Variants in CHRM4 observed in about 807,000 individuals in gnomAD.
CHRM4 encodes muscarinic acetylcholine receptor M4.
In CHRM4, 5 loss-of-function variants were observed where a neutral mutation model predicts 26.3. The ratio of observed to expected loss-of-function variants is 0.19; its 90% CI spans 0.10 to 0.40. CHRM4 has a LOEUF of 0.40. Ranked by LOEUF, CHRM4 falls within the 10% of genes least tolerant of loss-of-function variation. CHRM4 has a pLI of 1.00. For missense variants in CHRM4, 402 were observed against 664.5 expected (o/e 0.60, Z 4.34); for synonymous variants, 290 against 285.3 (o/e 1.02, Z -0.16).
In CHRM4 at chr11:46,386,252, G is replaced by A. The variant is rs376218212; in HGVS notation, c.306C>T (p.Ala102=). The A allele has an allele frequency of 7.4e-6, 12 of 1,613,862 alleles. No homozygotes were observed. Among genetic ancestry groups the A allele is most frequent in the Middle Eastern group, 1.6e-4 (1 of 6,062 alleles). The part of the protein sequence containing the change: ...YIIKGYWPLG[A]VVCDLWLALD... Reference sequence around the variant, plus strand: ...GGGCCAGCCACAGGTCGCAGACCACGGCGCCCAGGGGCCAGTAGCCCTTGA... The same window carrying A: ...GGGCCAGCCACAGGTCGCAGACCACAGCGCCCAGGGGCCAGTAGCCCTTGA... The change falls in exon 2 of 2, where the codon GCC becomes GCT. Residue 102 remains alanine, a synonymous_variant. Coordinates refer to ENST00000682254, the MANE Select transcript of CHRM4 (RefSeq NM_000741.5). This position sits in a 1 kb window ranked among gnomAD's most constrained non-coding sequence, Gnocchi z 5.8.
intron 1 of CHRM4, among the ~76,000 whole-genome samples, chr11:46,390,531 T>G (rs1362894493): frequency 6.6e-6 from 1 of 152,144 alleles, no homozygotes; most frequent in Non-Finnish European, 1.5e-5. Context: ...GTCAGGCGAG[T>G]GCAAGACTCT....
Position 46,386,067 on chromosome 11 carries a change from C to T in CHRM4, c.491G>A (p.Trp164Ter). Residue 164 changes from tryptophan (W) to a stop codon, truncating the protein, a stop_gained, in exon 2 of 2, where the codon TGG becomes TAG. Coordinates refer to ENST00000682254, the MANE Select transcript of CHRM4 (RefSeq NM_000741.5). LOFTEE classifies it high-confidence loss of function. The surrounding 1 kb of genome is among the most constrained non-coding windows in gnomAD (Gnocchi z 5.8). ...CTGCCAGAACAAGATGGCAGGCGCC[C>T]AGAGCACGAAGGACAGTACCCAGGC... The part of the protein sequence containing the change: ...AAAWVLSFVL[W>*]APAILFWQFV... 6.2e-7 allele frequency: 1 copy of T among 1,613,220 alleles called. No homozygotes were observed. Among genetic ancestry groups the T allele is most frequent in the East Asian group, 2.2e-5 (1 of 44,846 alleles).
Position 46,384,791 on chromosome 11 carries a change from C to A in CHRM4, c.*327G>T, listed in dbSNP as rs1290132298. Among the ~76,000 whole-genome samples, 2 of 152,252 alleles carry A rather than the reference C, an allele frequency of 1.3e-5. No individual in the cohort carries two copies. The highest frequency in any genetic ancestry group is 2.9e-5 in the Non-Finnish European group (2 of 68,038). ...CCTGAGGGGGCCCTGGGCTTCGGCCCCCATCCAGATGTCCATTCTTCCAGC... is the reference window on the plus strand; with the variant it reads ...CCTGAGGGGGCCCTGGGCTTCGGCCACCATCCAGATGTCCATTCTTCCAGC... On this transcript the variant is annotated 3_prime_UTR_variant, in exon 2 of 2. Transcript: ENST00000682254.
Position 46,390,381 on chromosome 11 carries a change from C to G in CHRM4, c.-30+1150G>C, listed in dbSNP as rs539945283. On this transcript the variant is annotated intron_variant, in intron 1 of 1. Coordinates refer to ENST00000682254, the MANE Select transcript of CHRM4 (RefSeq NM_000741.5). ...GTCGAGGGGCCTCTGCGAGAGTCGCCCAACCTGGCCTTGAGGGACACCAGG... is the reference window on the plus strand; with the variant it reads ...GTCGAGGGGCCTCTGCGAGAGTCGCGCAACCTGGCCTTGAGGGACACCAGG... Among the ~76,000 whole-genome samples the G allele has an allele frequency of 4.5e-4, 68 of 152,350 alleles. 1 individual carries two copies. Among genetic ancestry groups the G allele is most frequent in the African/African-American group, 1.5e-3 (63 of 41,572 alleles).
rs1329195560 is a variant in CHRM4, at chr11:46,384,290, C to A, written c.*828G>T. On this transcript the variant is annotated 3_prime_UTR_variant, in exon 2 of 2. Coordinates refer to ENST00000682254, the MANE Select transcript of CHRM4 (RefSeq NM_000741.5). ...TTTCCTCTTGCCTGTGTGACCCAGG[C>A]CTCCACCCTGCAGAAGCCAGGGGGT... Among the ~76,000 whole-genome samples, 3 of 152,238 alleles carry A rather than the reference C, an allele frequency of 2.0e-5. No individual in the cohort carries two copies. The highest frequency in any genetic ancestry group is 4.4e-5 in the Non-Finnish European group (3 of 68,040).
intron 1 of CHRM4, among the ~76,000 whole-genome samples, chr11:46,390,816 G>A (rs1310138864): frequency 6.6e-6 from 1 of 152,254 alleles, no homozygotes. Flanking sequence ...CCTCTTCCCC[G>A]GGCGAGACCG....
rs563485634 is a variant in CHRM4 at position 46,383,918 on chromosome 11, A to C, written c.*1200T>G. ...CAGGCTGTAGGGACTGGTGGGTTTC[A>C]GGGGGCTTGGTGGTGGGTGCTCTCC... On this transcript the variant is annotated 3_prime_UTR_variant, in exon 2 of 2. Coordinates refer to ENST00000682254, the MANE Select transcript of CHRM4 (RefSeq NM_000741.5). 6.2e-6 allele frequency: 2 copies of C among 323,346 alleles called. No homozygotes were observed. Among genetic ancestry groups the C allele is most frequent in the East Asian group, 1.7e-4 (2 of 11,642 alleles). The allele number at this position is 323,346 out of a possible 1,614,324, so 20.0% of individuals were successfully genotyped here.
Position 46,386,607 on chromosome 11 carries a change from A to G in CHRM4, c.-29-21T>C, listed in dbSNP as rs1404362121. On this transcript the variant is annotated intron_variant, in intron 1 of 1. Coordinates refer to ENST00000682254, the MANE Select transcript of CHRM4 (RefSeq NM_000741.5). This position sits in a 1 kb window ranked among gnomAD's most constrained non-coding sequence, Gnocchi z 5.8. The stretch of plus-strand genomic sequence containing the variant: ...CGTGTCTGGGGAGGAAGGGGAGAGA[A>G]AAGCATGAACTACAGGAGGGAATGG... 6.3e-7 allele frequency: 1 copy of G among 1,587,052 alleles called. No individual in the cohort carries two copies.
In CHRM4 at chr11:46,384,579, C is replaced by T. The variant is rs918995023; in HGVS notation, c.*539G>A. Reference sequence around the variant, plus strand: ...GGACCTGGCCTCCATCATACCCACCCAGAACCTGGCTAAGTAGCTGCAGCC... The same window carrying T: ...GGACCTGGCCTCCATCATACCCACCTAGAACCTGGCTAAGTAGCTGCAGCC... On this transcript the variant is annotated 3_prime_UTR_variant, in exon 2 of 2. Transcript: ENST00000682254. Among the ~76,000 whole-genome samples, 1 of 152,196 alleles carries T rather than the reference C, an allele frequency of 6.6e-6. No individual in the cohort carries two copies. The highest frequency in any genetic ancestry group is 6.5e-5 in the Admixed American group (1 of 15,282).
At position 46,384,619 on chromosome 11, in the gene CHRM4, C is replaced by T. The variant is rs898746209; in HGVS notation, c.*499G>A. On this transcript the variant is annotated 3_prime_UTR_variant, in exon 2 of 2. Transcript: ENST00000682254. ...TAGCTGCAGCCAGAGGAGATTTCTG[C>T]CCCTGGAGTGGGATTTGGGGAGAGG... 1.3e-5 allele frequency among the ~76,000 whole-genome samples: 2 copies of T among 152,216 alleles called. No homozygotes were observed. The highest frequency in any genetic ancestry group is 6.5e-5 in the Admixed American group (1 of 15,286).
At chr11:46,389,591 G>C (rs1003540526) in intron 1 of CHRM4, among the ~76,000 whole-genome samples, 3 of 152,220 alleles carry the variant, frequency 2.0e-5, no homozygotes, top group Non-Finnish European at 4.4e-5. Flanking sequence ...GGTCCCTGGT[G>C]CCCGCTCCGG....
At chr11:46,387,409 C>T (rs1047441863) in intron 1 of CHRM4, among the ~76,000 whole-genome samples, 8 of 152,190 alleles carry the variant, frequency 5.3e-5, no homozygotes, top group South Asian at 2.1e-4. Context: ...GGACTCCAGG[C>T]GCCATCATGC....
At chr11:46,388,080 G>T (rs529764850) in intron 1 of CHRM4, among the ~76,000 whole-genome samples, 3 of 152,202 alleles carry the variant, frequency 2.0e-5, no homozygotes, top group South Asian at 2.1e-4. Flanking sequence ...GGAGGCCCAC[G>T]CCAGCTCTGA....
chr11:46,387,729 G>T (rs1945355352), intron 1 of CHRM4, among the ~76,000 whole-genome samples: 1 of 152,200 alleles, frequency 6.6e-6, no homozygotes, highest in African/African-American at 2.4e-5. Flanking sequence ...GAGGAGGAGA[G>T]TCCCTGCAGA....
At chr11:46,388,155 C>T (rs1298512565) in intron 1 of CHRM4, among the ~76,000 whole-genome samples, 11 of 152,234 alleles carry the variant, frequency 7.2e-5, no homozygotes, top group Admixed American at 2.0e-4. Flanking sequence ...GCTCCACAGA[C>T]GCACGCGGGC....
At position 46,383,813 on chromosome 11, in the gene CHRM4, CTTT is replaced by C; in HGVS notation, c.*1302_*1304del. 4 of 431,748 alleles carry C rather than the reference CTTT, an allele frequency of 9.3e-6. No homozygotes were observed. Among genetic ancestry groups the C allele is most frequent in the South Asian group, 8.3e-5 (4 of 48,394 alleles). 26.7% of individuals were successfully genotyped at this position (431,748 alleles called of 1,614,324 possible). A position where few individuals can be genotyped will look rare whatever the true frequency, so the allele number is the denominator to read the frequency against. On this transcript the variant is annotated 3_prime_UTR_variant, in exon 2 of 2. Transcript: ENST00000682254. ...CTTTTTCCCCCCAATAAAAGCTCTT[CTTT>C]TTTAATATATAAAAGCCCCTTCCCA...
chr11:46,385,814 TG>T lies in CHRM4; in HGVS notation c.743del (p.Pro248HisfsTer2). On this transcript the variant is annotated frameshift_variant, in exon 2 of 2. Coordinates refer to ENST00000682254, the MANE Select transcript of CHRM4 (RefSeq NM_000741.5). LOFTEE classifies it high-confidence loss of function. This position sits in a 1 kb window ranked among gnomAD's most constrained non-coding sequence, Gnocchi z 6.3. ...GCTTCTTGACGCTCTGCTTCATTAG[TG>T]GGCTCTTGAGGAAGGCCAGCGTCTT... is the stretch of plus-strand genomic sequence containing the variant. Reference protein sequence around the residue: ...KAKTLAFLKSPLMKQSVKKPP... With the variant: ...KAKTLAFLKSXLMKQSVKKPP... The T allele has an allele frequency of 6.3e-7, 1 of 1,598,660 alleles. No individual in the cohort carries two copies. The highest frequency in any genetic ancestry group is 8.5e-7 in the Non-Finnish European group (1 of 1,172,346).
rs2136547668 is a variant in CHRM4 at position 46,384,983 on chromosome 11, G to A, written c.*135C>T. 2 of 1,313,100 alleles carry A rather than the reference G, an allele frequency of 1.5e-6. No individual in the cohort carries two copies. Among genetic ancestry groups the A allele is most frequent in the Non-Finnish European group, 2.0e-6 (2 of 979,740 alleles). The allele number at this position is 1,313,100 out of a possible 1,614,324, so 81.3% of individuals were successfully genotyped here. A position where few individuals can be genotyped will look rare whatever the true frequency, so the allele number is the denominator to read the frequency against. The stretch of plus-strand genomic sequence containing the variant: ...TCTGGTCTCTGAATGCAGCCACAGA[G>A]CCTCTTCTGAACTTCCTCCTCAGCA... On this transcript the variant is annotated 3_prime_UTR_variant, in exon 2 of 2. Transcript: ENST00000682254.
Position 46,386,408 on chromosome 11 carries a change from G to A in CHRM4, c.150C>T (p.Asn50=), listed in dbSNP as rs762602048. The A allele has an allele frequency of 6.2e-7, 1 of 1,614,002 alleles. No individual in the cohort carries two copies. Among genetic ancestry groups the A allele is most frequent in the South Asian group, 1.1e-5 (1 of 91,084 alleles). ...GSLSLVTVVG[N]ILVMLSIKVN... ...CCTTGATGGACAGCATCACCAGGAT[G>A]TTGCCCACGACAGTCACCAGGCTCA... Residue 50 remains asparagine, a synonymous_variant, in exon 2 of 2, where the codon AAC becomes AAT. Transcript: ENST00000682254. The surrounding 1 kb of genome is among the most constrained non-coding windows in gnomAD (Gnocchi z 5.8).
Sources: allele counts gnomAD v4.1 joint callset (sites outside exome capture counted in the v4.1 genomes callset), GRCh38; gene constraint gnomAD v4.1.1; non-coding constraint Gnocchi (gnomAD v3.1); transcripts MANE v1.5; gene names NCBI Gene and HGNC (gene_info 2026-07-23, HGNC 2026-07-21).